Variants in SLIT1 observed in about 807,000 individuals in gnomAD.
SLIT1 encodes the protein slit homolog 1 protein.
Under a neutral mutation model 186.1 loss-of-function variants are expected in SLIT1, and 66 were observed. That is an observed-to-expected ratio of 0.35 (90% CI 0.29 to 0.44). SLIT1 has a LOEUF of 0.44. Ranked by LOEUF, SLIT1 falls within the 20% of genes least tolerant of loss-of-function variation. The pLI, the probability that SLIT1 is intolerant of heterozygous loss-of-function variation, is 1.00. For synonymous variants in SLIT1, 761 were observed against 833.8 expected (o/e 0.91, Z 1.50); for missense variants, 1,638 against 2,037.4 (o/e 0.80, Z 3.77).
In SLIT1 at chr10:97,019,982, A is replaced by AT. The variant is rs200725353; in HGVS notation, c.2747-876dup. Among the ~76,000 whole-genome samples, 38 of 145,032 alleles carry AT rather than the reference A, an allele frequency of 2.6e-4. 1 individual carries two copies. Among genetic ancestry groups the AT allele is most frequent in the Admixed American group, 4.1e-4 (6 of 14,534 alleles). On this transcript the variant is annotated intron_variant, in intron 26 of 36. Transcript: ENST00000266058. ...TTTCTTTTTTCCTTTATTTTCCTTT[A>AT]TTTTTTTTTTTAGACAGGGTCTTAC...
intron 4 of SLIT1, among the ~76,000 whole-genome samples, chr10:97,105,691 G>A (rs1457804282): frequency 6.6e-6 from 1 of 152,218 alleles, no homozygotes; most frequent in African/African-American, 2.4e-5. Flanking sequence ...GGACCACAGG[G>A]CATCTCCGCA....
intron 1 of SLIT1, among the ~76,000 whole-genome samples, chr10:97,179,686 C>T (rs1361477670): frequency 1.3e-5 from 2 of 152,176 alleles, no homozygotes; most frequent in Admixed American, 1.3e-4. Flanking sequence ...CTCTCAACGA[C>T]GCTATGCACC....
At chr10:97,097,161 C>T (rs944048307) in intron 4 of SLIT1, among the ~76,000 whole-genome samples, 10 of 152,220 alleles carry the variant, frequency 6.6e-5, no homozygotes, top group African/African-American at 2.2e-4. Flanking sequence ...CACACACACT[C>T]CTGCGTCTAA....
In SLIT1 at chr10:97,170,530, G is replaced by C. The variant is rs141646812; in HGVS notation, c.198-5640C>G. ...GCAGGGCCAAGCTGAACTGGGAGGA[G>C]TCAGAGACTCACTTCCCTGCAGGAC... On this transcript the variant is annotated intron_variant, in intron 1 of 36. Coordinates refer to ENST00000266058, the MANE Select transcript of SLIT1 (RefSeq NM_003061.3). 6.5e-3 allele frequency among the ~76,000 whole-genome samples: 983 copies of C among 152,306 alleles called. 5 individuals carry two copies. Among genetic ancestry groups the C allele is most frequent in the Non-Finnish European group, 0.011 (743 of 68,036 alleles).
chr10:97,081,181 A>C (rs1274911552), intron 4 of SLIT1, among the ~76,000 whole-genome samples: 1 of 152,172 alleles, frequency 6.6e-6, no homozygotes, highest in Non-Finnish European at 1.5e-5. Flanking sequence ...GTGGTTTGAA[A>C]AGAGAGAGAA....
intron 34 of SLIT1, among the ~76,000 whole-genome samples, chr10:97,003,503 A>G (rs1848331145): frequency 2.0e-5 from 3 of 152,218 alleles, no homozygotes; most frequent in South Asian, 4.1e-4. Context: ...AGCTGGGCTG[A>G]GGCCCAGGGC....
Position 97,047,812 on chromosome 10 carries a change from G to A in SLIT1, c.1512C>T (p.Asn504=). The A allele has an allele frequency of 6.2e-7, 1 of 1,614,066 alleles. No individual in the cohort carries two copies. The highest frequency in any genetic ancestry group is 8.5e-7 in the Non-Finnish European group (1 of 1,179,982). The change falls in exon 16 of 37, where the codon AAC becomes AAT. Residue 504 remains asparagine, a synonymous_variant. Coordinates refer to ENST00000266058, the MANE Select transcript of SLIT1 (RefSeq NM_003061.3). ...AGACCACGTCGCTGTTGCACTCGCT[G>A]TTCAGCTGGTAATCCTCCGTGCCTG... ...FIPGTEDYQL[N]SECNSDVVCP... is the part of the protein sequence containing the mutation.
rs957578391 is a variant in SLIT1, at chr10:97,157,868, C to T, written c.363G>A (p.Leu121=). ...GGAACAGCAGTTCCGGTAACATGTG[C>T]AGCTGGTTTCGGTTCAGTCGCCTAT... ...LERLRLNRNQ[L]HMLPELLFQN... The change falls in exon 4 of 37, where the codon CTG becomes CTA. Residue 121 remains leucine, a synonymous_variant. Transcript: ENST00000266058. The T allele has an allele frequency of 1.1e-5, 18 of 1,613,862 alleles. No individual in the cohort carries two copies. Among genetic ancestry groups the T allele is most frequent in the Non-Finnish European group, 1.4e-5 (17 of 1,179,830 alleles).
chr10:97,036,684 C>T (rs1157250442), intron 22 of SLIT1, among the ~76,000 whole-genome samples: 3 of 152,222 alleles, frequency 2.0e-5, no homozygotes, highest in Non-Finnish European at 2.9e-5. Context: ...GTAGATTGCA[C>T]TTGGAGTGGG....
Position 97,011,081 on chromosome 10 carries a change from C to A in SLIT1, c.3253G>T (p.Asp1085Tyr). 1 of 1,613,596 alleles carries A rather than the reference C, an allele frequency of 6.2e-7. No individual in the cohort carries two copies. Among genetic ancestry groups the A allele is most frequent in the Non-Finnish European group, 8.5e-7 (1 of 1,179,562 alleles). ...TGGCAGCGGTGGTCCCTGCAGTCAT[C>A]CTGGTTCTCACTGCAGTTGTCACCT... is the stretch of plus-strand genomic sequence containing the variant. ...YAGDNCSENQDDCRDHRCQNG... is the reference protein window; with the variant it reads ...YAGDNCSENQYDCRDHRCQNG... The change falls in exon 31 of 37, where the codon GAT (aspartate) becomes TAT (tyrosine). Residue 1085 changes from aspartate (D) to tyrosine (Y), a missense_variant. This residue lies in a region of SLIT1 where 1,245 missense variants were observed against 1,535.3 expected (regional missense o/e 0.81). Transcript: ENST00000266058.
intron 4 of SLIT1, among the ~76,000 whole-genome samples, chr10:97,098,327 G>C (rs1362388773): frequency 1.3e-5 from 2 of 152,220 alleles, no homozygotes; most frequent in Non-Finnish European, 2.9e-5. Context: ...CTCAGAGCTG[G>C]GGAAGACAGG....
chr10:97,025,016 T>C (rs538792589), intron 25 of SLIT1, among the ~76,000 whole-genome samples: 1 of 152,346 alleles, frequency 6.6e-6, no homozygotes, highest in South Asian at 2.1e-4. Flanking sequence ...ACGCCTGTAG[T>C]CCCAGCACTT....
intron 4 of SLIT1, among the ~76,000 whole-genome samples, chr10:97,152,235 G>C (rs1428772762): frequency 2.0e-5 from 3 of 152,084 alleles, no homozygotes; most frequent in Non-Finnish European, 4.4e-5. Context: ...GGGTGTCTCT[G>C]CAGGGTCACC....
intron 1 of SLIT1, among the ~76,000 whole-genome samples, chr10:97,173,900 G>A (rs1850223529): frequency 6.6e-6 from 1 of 152,180 alleles, no homozygotes; most frequent in Admixed American, 6.5e-5. Flanking sequence ...GGCCCAGGGG[G>A]TAGAAGAATA....
At chr10:97,065,868 A>C (rs1174924924) in intron 5 of SLIT1, 147 bp downstream of exon 5, 2 of 636,426 alleles carry the variant, frequency 3.1e-6, no homozygotes, top group Non-Finnish European at 5.7e-6. Context: ...ACTATTCCAG[A>C]AGACCATGCT....
At position 97,185,603 on chromosome 10, in the gene SLIT1, T is replaced by G; in HGVS notation, c.72A>C (p.Ala24=). The G allele has an allele frequency of 6.3e-7, 1 of 1,585,696 alleles. No individual in the cohort carries two copies. The highest frequency in any genetic ancestry group is 1.3e-5 in the African/African-American group (1 of 74,150). Residue 24 remains alanine, a synonymous_variant, in exon 1 of 37, where the codon GCA becomes GCC. Coordinates refer to ENST00000266058, the MANE Select transcript of SLIT1 (RefSeq NM_003061.3). ...CCGAGGCACCCAGGCGCCACGCGGC[T>G]GCCCACAGCAGCAGCCAGAGCTCCG... ...VRPELWLLLW[A]AAWRLGASAC...
At chr10:97,127,745 C>T (rs928004763) in intron 4 of SLIT1, among the ~76,000 whole-genome samples, 9 of 152,204 alleles carry the variant, frequency 5.9e-5, no homozygotes, top group African/African-American at 2.2e-4. Context: ...TAAGAAAGCA[C>T]AGCGGAGAAA....
At chr10:97,012,191 T>G (rs1181247977) in intron 30 of SLIT1, among the ~76,000 whole-genome samples, 1 of 152,022 alleles carries the variant, frequency 6.6e-6, no homozygotes, top group East Asian at 1.9e-4. Flanking sequence ...TAAGATGGCA[T>G]GTTGCTGTCT....
At chr10:97,042,380 G>A (rs932458353) in intron 20 of SLIT1, among the ~76,000 whole-genome samples, 4 of 152,124 alleles carry the variant, frequency 2.6e-5, no homozygotes, top group East Asian at 1.9e-4. Flanking sequence ...GTGACCTTCC[G>A]TGCTTGGTGC....
Sources: gnomAD v4.1 joint callset for allele counts (sites outside exome capture counted in the v4.1 genomes callset) on GRCh38, gnomAD v4.1.1 for gene constraint, gnomAD v4.1.1 regional missense constraint, MANE v1.5 for transcripts, NCBI Gene and HGNC (gene_info 2026-07-23, HGNC 2026-07-21) for gene names.